The following RBFOX1 variants were observed in gnomAD, a reference collection of about 807,000 sequenced individuals.
RBFOX1 encodes the protein RNA binding protein fox-1 homolog 1.
Under a neutral mutation model 57.7 loss-of-function variants are expected in RBFOX1, and 8 were observed. The ratio of observed to expected loss-of-function variants is 0.14; its 90% CI spans 0.08 to 0.25. The LOEUF (loss-of-function observed/expected upper bound fraction) is 0.25. Ranked by LOEUF, RBFOX1 falls within the 10% of genes least tolerant of loss-of-function variation. The probability of loss-of-function intolerance (pLI) is 1.00; values close to 1 mark genes in which losing one functional copy is unlikely to be tolerated. For synonymous variants in RBFOX1, 326 were observed against 222.4 expected, an observed-to-expected ratio of 1.47 and a Z score of -4.15; for missense variants, 611 against 548.5, an observed-to-expected ratio of 1.11 and a Z score of -1.14.
At chr16:6,637,489 A>G (rs1329589661) in intron 2 of RBFOX1, among the ~76,000 whole-genome samples, 10 of 58,582 alleles carry the variant, frequency 1.7e-4, no homozygotes, top group Admixed American at 6.5e-4. Flanking sequence ...AATATCCTAT[A>G]TATTATATAT....
chr16:6,021,324 C>T (rs1322801909), intron 1 of RBFOX1, among the ~76,000 whole-genome samples: 2 of 152,272 alleles, frequency 1.3e-5, no homozygotes, highest in East Asian at 1.9e-4. Flanking sequence ...ATCTCCCCTC[C>T]ATTTATCATT....
intron 4 of RBFOX1, among the ~76,000 whole-genome samples, chr16:7,435,574 G>A (rs2098715071): frequency 6.6e-6 from 1 of 152,132 alleles, no homozygotes; most frequent in African/African-American, 2.4e-5. Context: ...CATCCATGAG[G>A]CTTTTCAGCA....
At chr16:5,941,874 G>A (rs957367186) in intron 4 of RBFOX1, among the ~76,000 whole-genome samples, 10 of 151,636 alleles carry the variant, frequency 6.6e-5, no homozygotes, top group South Asian at 4.2e-4. Context: ...CCCCTTTTCC[G>A]GCCTGAGTCT....
At chr16:6,842,483 T>C (rs547499073) in intron 3 of RBFOX1, among the ~76,000 whole-genome samples, 2 of 152,206 alleles carry the variant, frequency 1.3e-5, no homozygotes, top group South Asian at 4.1e-4. Flanking sequence ...TGTGTTTGTT[T>C]AGAAAAACCA....
At chr16:6,507,472 A>G (rs1002261817) in intron 2 of RBFOX1, among the ~76,000 whole-genome samples, 6 of 137,514 alleles carry the variant, frequency 4.4e-5, no homozygotes, top group African/African-American at 1.6e-4. Flanking sequence ...GGAGTTGGAA[A>G]TCAACCTGGG....
rs370728837 is a variant in RBFOX1, at chr16:6,926,423, C to A, written c.-15-125634C>A. 2.1e-3 allele frequency among the ~76,000 whole-genome samples: 319 copies of A among 152,288 alleles called. 2 individuals are homozygous for A. The highest frequency in any genetic ancestry group is 7.0e-3 in the African/African-American group (292 of 41,562). ...GGGATCCTCACCACACAGCAGGCCT[C>A]AGAATTTCCCCTGCCTCCTGATCGG... On this transcript the variant is annotated intron_variant, in intron 3 of 15. Coordinates refer to ENST00000550418, the MANE Select transcript of RBFOX1 (RefSeq NM_018723.4).
intron 5 of RBFOX1, among the ~76,000 whole-genome samples, chr16:7,536,642 G>C (rs2081541609): frequency 6.6e-6 from 1 of 152,134 alleles, no homozygotes; most frequent in South Asian, 2.1e-4. Context: ...GCAGAGAAAG[G>C]TGGGTGGATG....
rs2095028906 is a variant in RBFOX1, at chr16:6,019,636, G to A, written c.-483G>A. 2 of 1,287,904 alleles carry A rather than the reference G, an allele frequency of 1.6e-6. No homozygotes were observed. Among genetic ancestry groups the A allele is most frequent in the African/African-American group, 3.1e-5 (2 of 64,532 alleles). 79.8% of individuals were successfully genotyped at this position (1,287,904 alleles called of 1,614,324 possible). On this transcript the variant is annotated 5_prime_UTR_variant, in exon 1 of 16. Transcript: ENST00000550418. The surrounding 1 kb of genome is among the most constrained non-coding windows in gnomAD (Gnocchi z 4.2). ...CGAGCCGAGCACCCCACATCTGGAG[G>A]GGACAGCCAGCCGTGGGCCCCGCCC...
intron 4 of RBFOX1, among the ~76,000 whole-genome samples, chr16:7,515,757 C>G (rs1271841411): frequency 6.6e-6 from 1 of 152,176 alleles, no homozygotes; most frequent in African/African-American, 2.4e-5. Flanking sequence ...GTAGAAACCT[C>G]TCTGTTCCTC....
At chr16:6,333,632 A>C (rs1300541903) in intron 2 of RBFOX1, among the ~76,000 whole-genome samples, 2 of 152,186 alleles carry the variant, frequency 1.3e-5, no homozygotes, top group Non-Finnish European at 2.9e-5. Flanking sequence ...ATTAAAAAAT[A>C]TATATATCAG....
At chr16:7,162,101 C>T (rs1008412121) in intron 4 of RBFOX1, among the ~76,000 whole-genome samples, 1 of 152,208 alleles carries the variant, frequency 6.6e-6, no homozygotes, top group Non-Finnish European at 1.5e-5. Context: ...TGGTGTCTTG[C>T]CAGAGAAACC....
intron 1 of RBFOX1, among the ~76,000 whole-genome samples, chr16:6,192,275 G>A (rs1347658131): frequency 6.6e-6 from 1 of 152,166 alleles, no homozygotes; most frequent in East Asian, 1.9e-4. Context: ...GGGTGGCTGT[G>A]CTTGTTCTCA....
At chr16:6,464,718 A>G (rs2095001124) in intron 2 of RBFOX1, among the ~76,000 whole-genome samples, 1 of 152,246 alleles carries the variant, frequency 6.6e-6, no homozygotes, top group South Asian at 2.1e-4. Context: ...CTTTGATTAC[A>G]CCTTCCATAT....
chr16:7,613,829 G>A (rs1033244597), intron 10 of RBFOX1, among the ~76,000 whole-genome samples: 1 of 152,032 alleles, frequency 6.6e-6, no homozygotes, highest in African/African-American at 2.4e-5. Flanking sequence ...GGATACAATA[G>A]CATCTGAGAA....
Position 6,355,953 on chromosome 16 carries a change from A to G in RBFOX1, c.-64+38896A>G, listed in dbSNP as rs2087242102. On this transcript the variant is annotated intron_variant, in intron 2 of 15. Coordinates refer to ENST00000550418, the MANE Select transcript of RBFOX1 (RefSeq NM_018723.4). ...GTAGGTCAAGAAAACACATGGGCCA[A>G]ACTTAAAGAACTCCTAATGGGCAAA... is the stretch of plus-strand genomic sequence containing the variant. Among the ~76,000 whole-genome samples, 3 of 152,094 alleles carry G rather than the reference A, an allele frequency of 2.0e-5. No individual in the cohort carries two copies. In the South Asian group the frequency reaches 6.2e-4, roughly 32 times the overall value.
At chr16:6,078,477 T>C (rs954529085) in intron 1 of RBFOX1, among the ~76,000 whole-genome samples, 1 of 152,180 alleles carries the variant, frequency 6.6e-6, no homozygotes, top group South Asian at 2.1e-4. Flanking sequence ...GAGACACTTC[T>C]TCTTCCGCCG....
At chr16:6,483,542 C>A in intron 2 of RBFOX1, 1 of 1,535,564 alleles carries the variant, frequency 6.5e-7, no homozygotes, top group Non-Finnish European at 8.7e-7. Context: ...AGATGCCCTT[C>A]AGGTACGGCG....
At chr16:6,787,549 G>C (rs1159671544) in intron 3 of RBFOX1, among the ~76,000 whole-genome samples, 1 of 152,120 alleles carries the variant, frequency 6.6e-6, no homozygotes, top group Non-Finnish European at 1.5e-5. Context: ...GTATTAATTT[G>C]TGCCAATTCC....
intron 13 of RBFOX1, 40 bp downstream of exon 13, chr16:7,665,008 C>A (rs2068807698): frequency 6.2e-7 from 1 of 1,613,852 alleles, no homozygotes; most frequent in East Asian, 2.2e-5. Context: ...CCGTTTCCTC[C>A]TGGAGTCATT....
Sources: allele counts gnomAD v4.1 joint callset (sites outside exome capture counted in the v4.1 genomes callset), GRCh38; gene constraint gnomAD v4.1.1; non-coding constraint Gnocchi (gnomAD v3.1); transcripts MANE v1.5; gene names NCBI Gene and HGNC (gene_info 2026-07-23, HGNC 2026-07-21).